Variants in ZNF500 observed in about 807,000 individuals in gnomAD.
The protein encoded by ZNF500 is zinc finger protein 500.
In ZNF500, 31 loss-of-function variants were observed where a neutral mutation model predicts 30.1. That is an observed-to-expected ratio of 1.03 (90% CI 0.77 to 1.39). The LOEUF (loss-of-function observed/expected upper bound fraction) is 1.39, where lower values mean the gene tolerates loss of function less well. Ranked by LOEUF, ZNF500 falls within the 40% of genes most tolerant of loss-of-function variation. The pLI, the probability that ZNF500 is intolerant of heterozygous loss-of-function variation, is 0.00. For missense variants in ZNF500, 817 were observed against 657.8 expected (o/e 1.24, Z -2.65); for synonymous variants, 392 against 282.0 (o/e 1.39, Z -3.91).
rs2082056957 is a variant in ZNF500, at chr16:4,749,355, A to T, written c.*3021T>A. 6.5e-6 allele frequency: 1 copy of T among 154,420 alleles called. No homozygotes were observed. The highest frequency in any genetic ancestry group is 1.5e-5 in the Non-Finnish European group (1 of 68,226). 9.6% of individuals were successfully genotyped at this position (154,420 alleles called of 1,614,324 possible). ...TTTAATGCCAGTAACCTCACTGAGA[A>T]TGTTTTACAGTGATGGAAAATAAAC... On this transcript the variant is annotated 3_prime_UTR_variant, in exon 6 of 6. Transcript: ENST00000219478.
At chr16:4,755,416 A>G (rs1417832513) in intron 5 of ZNF500, among the ~76,000 whole-genome samples, 1 of 152,140 alleles carries the variant, frequency 6.6e-6, no homozygotes, top group East Asian at 1.9e-4. Flanking sequence ...TCCCAGGTTC[A>G]AGCGATTCTC....
At chr16:4,761,179 G>A (rs928588943) in intron 4 of ZNF500, among the ~76,000 whole-genome samples, 1 of 152,050 alleles carries the variant, frequency 6.6e-6, no homozygotes. Flanking sequence ...GCTCACACCC[G>A]TAATCCCAGC....
chr16:4,765,401 A>G (rs930205689), intron 2 of ZNF500, among the ~76,000 whole-genome samples, 164 bp downstream of exon 2: 1 of 152,150 alleles, frequency 6.6e-6, no homozygotes, highest in African/African-American at 2.4e-5. Context: ...AAGGGTGGAC[A>G]CCCATTAGCC....
At chr16:4,763,170 G>T (rs1208819885) in intron 2 of ZNF500, 1 of 962,294 alleles carries the variant, frequency 1.0e-6, no homozygotes, top group African/African-American at 1.8e-5. Flanking sequence ...GGCCGAGGTG[G>T]GTGGATCACC....
chr16:4,753,448 T>G (rs1021917163), intron 5 of ZNF500, among the ~76,000 whole-genome samples: 3 of 152,154 alleles, frequency 2.0e-5, no homozygotes, highest in African/African-American at 7.2e-5. Context: ...GGTGACGGCA[T>G]GAGACCCTGT....
chr16:4,744,923 T>C, downstream of ZNF500: 3 of 1,613,918 alleles, frequency 1.9e-6, no homozygotes, highest in East Asian at 6.7e-5. Flanking sequence ...GGCCCTCCTG[T>C]GCACCACGCA....
rs1295136496 is a variant in ZNF500, at chr16:4,749,857, GACT to G, written c.*2516_*2518del. On this transcript the variant is annotated 3_prime_UTR_variant, in exon 6 of 6. Transcript: ENST00000219478. ...GACTAATGGGAGTCCCCCCTCACTG[GACT>G]GCATGAGATAACATCACAGCACACG... 6.6e-6 allele frequency: 1 copy of G among 152,138 alleles called. No homozygotes were observed. Among genetic ancestry groups the G allele is most frequent in the African/African-American group, 2.4e-5 (1 of 41,404 alleles). The allele number at this position is 152,138 out of a possible 1,614,324, so 9.4% of individuals were successfully genotyped here.
At chr16:4,761,133 G>A (rs1292115491) in intron 4 of ZNF500, among the ~76,000 whole-genome samples, 1 of 152,112 alleles carries the variant, frequency 6.6e-6, no homozygotes, top group Non-Finnish European at 1.5e-5. Flanking sequence ...GGGTTTTCGG[G>A]GAGGGTCTAA....
At chr16:4,746,487 C>A (rs753256219), downstream of ZNF500, 1 of 1,613,712 alleles carries the variant, frequency 6.2e-7, no homozygotes, top group Non-Finnish European at 8.5e-7. Flanking sequence ...GCAGATGGAG[C>A]TACCAGACCA....
chr16:4,759,262 G>T (rs1458908782), intron 5 of ZNF500, among the ~76,000 whole-genome samples: 2 of 152,010 alleles, frequency 1.3e-5, no homozygotes, highest in East Asian at 3.9e-4. Context: ...TATGGATGTG[G>T]AGAAACTGGA....
Position 4,752,344 on chromosome 16 carries a change from G to A in ZNF500, c.*32C>T. 6.9e-7 allele frequency: 1 copy of A among 1,453,232 alleles called. No homozygotes were observed. Among genetic ancestry groups the A allele is most frequent in the Non-Finnish European group, 9.0e-7 (1 of 1,107,578 alleles). The allele number at this position is 1,453,232 out of a possible 1,614,324, so 90.0% of individuals were successfully genotyped here. Reference sequence around the variant, plus strand: ...TCCTGAATTCTGTGCCCAGGGATGAGAGTCCTGGAAAGGGAGTTTCAGGCC... The same window carrying A: ...TCCTGAATTCTGTGCCCAGGGATGAAAGTCCTGGAAAGGGAGTTTCAGGCC... On this transcript the variant is annotated 3_prime_UTR_variant, in exon 6 of 6. Transcript: ENST00000219478.
In ZNF500 at chr16:4,750,033, GA is replaced by G; in HGVS notation, c.*2342del. ...TGGGAGGCCACAGCCTCGGCAGGGG[GA>G]GGGAAGTGGGCAGACCCCAACCACA... On this transcript the variant is annotated 3_prime_UTR_variant, in exon 6 of 6. Transcript: ENST00000219478. 2 of 152,808 alleles carry G rather than the reference GA, an allele frequency of 1.3e-5. No homozygotes were observed. Among genetic ancestry groups the G allele is most frequent in the Non-Finnish European group, 2.9e-5 (2 of 68,474 alleles). The allele number at this position is 152,808 out of a possible 1,614,324, so 9.5% of individuals were successfully genotyped here.
At chr16:4,746,182 G>C, downstream of ZNF500, 1 of 556,380 alleles carries the variant, frequency 1.8e-6, no homozygotes, top group Non-Finnish European at 3.1e-6. Context: ...GGGACGTTCT[G>C]TTGGCCAGTG....
Position 4,753,144 on chromosome 16 carries a change from G to C in ZNF500, c.761-86C>G, listed in dbSNP as rs1596495365. 12 of 1,469,332 alleles carry C rather than the reference G, an allele frequency of 8.2e-6. No individual in the cohort carries two copies. In the South Asian group the frequency reaches 1.2e-4, roughly 14 times the overall value. 91.0% of individuals were successfully genotyped at this position (1,469,332 alleles called of 1,614,324 possible). A position where few individuals can be genotyped will look rare whatever the true frequency, so the allele number is the denominator to read the frequency against. The stretch of plus-strand genomic sequence containing the variant: ...TAATAGGAAAATGAAGGCCTCACAG[G>C]GCTCCTAAGGTTCCCCTACAAAACA... On this transcript the variant is annotated intron_variant, in intron 5 of 5. Coordinates refer to ENST00000219478, the MANE Select transcript of ZNF500 (RefSeq NM_021646.4).
intron 2 of ZNF500, among the ~76,000 whole-genome samples, chr16:4,765,101 G>T (rs945226730): frequency 6.6e-6 from 1 of 152,170 alleles, no homozygotes; most frequent in African/African-American, 2.4e-5. Flanking sequence ...AGGAGTTCAA[G>T]ACCAGTCTGG....
At chr16:4,747,510 C>A, downstream of ZNF500, 1 of 1,613,254 alleles carries the variant, frequency 6.2e-7, no homozygotes, top group Non-Finnish European at 8.5e-7. Context: ...AAGCTCTGTG[C>A]CAAGGGGCAG....
downstream of ZNF500, chr16:4,744,750 A>G (rs2081991736): frequency 1.6e-6 from 2 of 1,263,606 alleles, no homozygotes; most frequent in South Asian, 1.4e-5. Flanking sequence ...GGGCGGGGGC[A>G]GTGGAGGAGC....
intron 5 of ZNF500, among the ~76,000 whole-genome samples, chr16:4,755,663 G>A (rs1230377109): frequency 6.6e-6 from 1 of 152,104 alleles, no homozygotes; most frequent in South Asian, 2.1e-4. Context: ...TCATCAAAAG[G>A]TAAACAAGAG....
chr16:4,759,942 G>A (rs112072596), intron 5 of ZNF500, among the ~76,000 whole-genome samples: 1 of 152,210 alleles, frequency 6.6e-6, no homozygotes, highest in Non-Finnish European at 1.5e-5. Context: ...GGGAGGCTGA[G>A]GTGGGAGCAT....
Sources: gnomAD v4.1 joint callset for allele counts (sites outside exome capture counted in the v4.1 genomes callset) on GRCh38, gnomAD v4.1.1 for gene constraint, MANE v1.5 for transcripts, NCBI Gene and HGNC (gene_info 2026-07-23, HGNC 2026-07-21) for gene names.